Variants in TM2D1 observed in about 807,000 individuals in gnomAD.
TM2D1 encodes TM2 domain containing 1.
Under a neutral mutation model 28.4 loss-of-function variants are expected in TM2D1, and 15 were observed. The observed-to-expected ratio is 0.53, with a 90% confidence interval of 0.35 to 0.81. The LOEUF (loss-of-function observed/expected upper bound fraction) is 0.81. TM2D1 is among the 40% of genes least tolerant of loss of function. TM2D1 has a pLI of 0.01. For missense variants in TM2D1, 236 were observed against 254.9 expected (o/e 0.93, Z 0.50); for synonymous variants, 93 against 96.2 (o/e 0.97, Z 0.20).
At chr1:61,685,316 T>A (rs557154267) in intron 5 of TM2D1, among the ~76,000 whole-genome samples, 44 of 152,346 alleles carry the variant, frequency 2.9e-4, no homozygotes, top group African/African-American at 9.9e-4. Context: ...ACACTTTTAT[T>A]TAAATATGTA....
chr1:61,682,889 T>A (rs1482906256), intron 6 of TM2D1, among the ~76,000 whole-genome samples: 1 of 126,850 alleles, frequency 7.9e-6, no homozygotes, highest in Admixed American at 8.6e-5. Context: ...CAAGACTCTG[T>A]CTCAAAAAAA....
chr1:61,714,146 C>T (rs866225428), intron 2 of TM2D1, among the ~76,000 whole-genome samples: 8 of 148,662 alleles, frequency 5.4e-5, no homozygotes, highest in South Asian at 2.1e-4. Context: ...CCACCCGCCT[C>T]GGCCTCCCAA....
chr1:61,718,142 AC>A, intron 2 of TM2D1, among the ~76,000 whole-genome samples: 1 of 152,168 alleles, frequency 6.6e-6, no homozygotes, highest in Admixed American at 6.6e-5. Flanking sequence ...ACACCGTAAA[AC>A]CCCATCTCTA....
chr1:61,694,923 T>C (rs1031452142), intron 4 of TM2D1, among the ~76,000 whole-genome samples, 153 bp from the exon 5 acceptor site: 8 of 152,044 alleles, frequency 5.3e-5, no homozygotes, highest in East Asian at 3.9e-4. Flanking sequence ...AATCTTCACT[T>C]GAAAATGAGA....
At chr1:61,682,892 C>CAAAAAAAAAAAAA (rs66468339) in intron 6 of TM2D1, among the ~76,000 whole-genome samples, 2 of 60,646 alleles carry the variant, frequency 3.3e-5, no homozygotes, top group African/African-American at 5.1e-5. Context: ...GACTCTGTCT[C>CAAAAAAAAAAAAA]AAAAAAAAAA....
chr1:61,686,781 A>C (rs1361604242), intron 5 of TM2D1: 1 of 967,650 alleles, frequency 1.0e-6, no homozygotes, highest in Non-Finnish European at 1.2e-6. Flanking sequence ...ATTAATTATA[A>C]AATTACAAAC....
At chr1:61,689,729 C>A (rs1449634430) in intron 5 of TM2D1, among the ~76,000 whole-genome samples, 1 of 152,082 alleles carries the variant, frequency 6.6e-6, no homozygotes, top group Non-Finnish European at 1.5e-5. Flanking sequence ...ATAATAGGTT[C>A]CTCTAGGGCA....
chr1:61,723,085 A>G (rs566442464), intron 2 of TM2D1, among the ~76,000 whole-genome samples: 1 of 152,334 alleles, frequency 6.6e-6, no homozygotes, highest in South Asian at 2.1e-4. Context: ...CCACTTAAGA[A>G]TTATTGATAA....
chr1:61,718,057 A>G (rs955373427), intron 2 of TM2D1, among the ~76,000 whole-genome samples: 2 of 152,102 alleles, frequency 1.3e-5, no homozygotes, highest in Non-Finnish European at 2.9e-5. Flanking sequence ...GTGGCTCACA[A>G]CTGTAATTCC....
intron 2 of TM2D1, among the ~76,000 whole-genome samples, chr1:61,713,724 G>A (rs947020817): frequency 1.2e-4 from 18 of 151,958 alleles, no homozygotes; most frequent in Non-Finnish European, 1.5e-5. Flanking sequence ...AGATCTTCCT[G>A]CAGATTATCT....
intron 3 of TM2D1, among the ~76,000 whole-genome samples, chr1:61,701,914 G>A (rs561828651): frequency 6.6e-6 from 1 of 152,256 alleles, no homozygotes; most frequent in South Asian, 2.1e-4. Flanking sequence ...CTCCAAGACG[G>A]GCGCGGTGGC....
intron 5 of TM2D1, among the ~76,000 whole-genome samples, chr1:61,687,525 T>C (rs571661844): frequency 7.9e-4 from 120 of 152,298 alleles, no homozygotes; most frequent in Non-Finnish European, 1.5e-3. Context: ...TGTTTGTATA[T>C]ACTTAGGTGG....
intron 2 of TM2D1, among the ~76,000 whole-genome samples, chr1:61,714,604 G>C (rs1644503438): frequency 6.6e-6 from 1 of 152,132 alleles, no homozygotes; most frequent in African/African-American, 2.4e-5. Flanking sequence ...ACCCAGGCTA[G>C]AGTGCAATGG....
chr1:61,723,902 T>C, intron 1 of TM2D1, 116 bp from the exon 2 acceptor site: 1 of 492,664 alleles, frequency 2.0e-6, no homozygotes, highest in East Asian at 3.1e-5. Context: ...AGGCTGCTAG[T>C]TTGTCCAAGT....
intron 5 of TM2D1, among the ~76,000 whole-genome samples, chr1:61,687,652 T>G (rs1002925556): frequency 2.0e-5 from 3 of 152,176 alleles, no homozygotes; most frequent in Non-Finnish European, 4.4e-5. Flanking sequence ...GTCATGTTTC[T>G]TAGGTAACTC....
intron 3 of TM2D1, among the ~76,000 whole-genome samples, chr1:61,708,721 G>A (rs1275858833): frequency 6.6e-6 from 1 of 152,260 alleles, no homozygotes; most frequent in East Asian, 1.9e-4. Flanking sequence ...CCCACATTTT[G>A]AAGACAATTT....
At chr1:61,707,673 C>G (rs1426020786) in intron 3 of TM2D1, among the ~76,000 whole-genome samples, 1 of 152,086 alleles carries the variant, frequency 6.6e-6, no homozygotes, top group East Asian at 1.9e-4. Context: ...CCAAGAAGAT[C>G]AGTGGTAGGC....
intron 3 of TM2D1, among the ~76,000 whole-genome samples, chr1:61,703,832 C>T (rs1306727149): frequency 6.8e-6 from 1 of 146,476 alleles, no homozygotes; most frequent in Non-Finnish European, 1.5e-5. Flanking sequence ...TCTCGGCTTA[C>T]TACAACCTCC....
intron 5 of TM2D1, among the ~76,000 whole-genome samples, chr1:61,687,153 G>C (rs1316987352): frequency 6.6e-6 from 1 of 152,134 alleles, no homozygotes; most frequent in Non-Finnish European, 1.5e-5. Context: ...CCAGCCTAGG[G>C]AACAAAGTGA....
Sources: gnomAD v4.1 joint callset for allele counts (sites outside exome capture counted in the v4.1 genomes callset) on GRCh38, gnomAD v4.1.1 for gene constraint, MANE v1.5 for transcripts, NCBI Gene and HGNC (gene_info 2026-07-23, HGNC 2026-07-21) for gene names.